The following RBM6 variants were observed in gnomAD, a reference collection of about 807,000 sequenced individuals.
RBM6 encodes the protein RNA-binding protein 6.
A neutral mutation model predicts 140.4 loss-of-function variants in RBM6; 23 were observed. That is an observed-to-expected ratio of 0.16 (90% CI 0.12 to 0.23). The LOEUF is 0.23. Among genes scored for constraint, RBM6 ranks in the 10% least tolerant of loss-of-function variants. The probability of loss-of-function intolerance (pLI) is 1.00; values close to 1 mark genes in which losing one functional copy is unlikely to be tolerated. For synonymous variants in RBM6, 439 were observed against 475.6 expected, an observed-to-expected ratio of 0.92 and a Z score of 1.00; for missense variants, 1,139 against 1,386.7, an observed-to-expected ratio of 0.82 and a Z score of 2.84.
At chr3:50,013,254 C>T (rs927947271) in intron 6 of RBM6, among the ~76,000 whole-genome samples, 4 of 151,972 alleles carry the variant, frequency 2.6e-5, no homozygotes, top group South Asian at 2.1e-4. Context: ...TTTACTTTGT[C>T]GGTGTCTCCA....
rs980311147 is a variant in RBM6, at chr3:50,068,172, C to T, written c.2944-518C>T. ...CTTTTCCTTTCCTTAAGGTCGTCTG[C>T]TACAAAGAACCACCACTTCATGTAA... On this transcript the variant is annotated intron_variant, in intron 17 of 20. Coordinates refer to ENST00000266022, the MANE Select transcript of RBM6 (RefSeq NM_005777.3). Among the ~76,000 whole-genome samples, 14 of 152,316 alleles carry T rather than the reference C, an allele frequency of 9.2e-5. No individual in the cohort carries two copies. In the East Asian group the frequency reaches 2.3e-3, roughly 25 times the overall value.
At chr3:49,954,138 A>G (rs77098994) in intron 1 of RBM6, among the ~76,000 whole-genome samples, 8 of 133,320 alleles carry the variant, frequency 6.0e-5, no homozygotes, top group African/African-American at 2.7e-4. Flanking sequence ...AAGGTCTCAG[A>G]AAAAAAAAAA....
At chr3:49,960,990 G>A (rs978398044) in intron 1 of RBM6, among the ~76,000 whole-genome samples, 2 of 149,318 alleles carry the variant, frequency 1.3e-5, no homozygotes, top group African/African-American at 2.5e-5. Context: ...GCTCACTGCA[G>A]CCTCAACCTC....
rs150633206 is a variant in RBM6 at position 50,029,889 on chromosome 3, G to T, written c.1558-18356G>T. On this transcript the variant is annotated intron_variant, in intron 6 of 20. Transcript: ENST00000266022. ...ATTTTTTAAAAAGAAATTTAGCCAG[G>T]CATGGTGGTGTGCCCCTGTAGTTCC... is the stretch of plus-strand genomic sequence containing the variant. 6.3e-3 allele frequency among the ~76,000 whole-genome samples: 957 copies of T among 151,338 alleles called. 8 individuals carry two copies. The highest frequency in any genetic ancestry group is 0.021 in the African/African-American group (848 of 41,196).
chr3:49,950,163 A>C (rs1048212591), intron 1 of RBM6, among the ~76,000 whole-genome samples: 2 of 152,154 alleles, frequency 1.3e-5, no homozygotes, highest in African/African-American at 2.4e-5. Context: ...AGGCGGTCAG[A>C]GTAACCCTTG....
rs538719802 is a variant in RBM6, at chr3:49,957,125, A to C, written c.-66-5451A>C. Reference sequence around the variant, plus strand: ...ATTCTTTGCAAGTAACTGGAAGTGCAGACATGTGCCACCTGCCTTTTTTGT... The same window carrying C: ...ATTCTTTGCAAGTAACTGGAAGTGCCGACATGTGCCACCTGCCTTTTTTGT... On this transcript the variant is annotated intron_variant, in intron 1 of 20. Coordinates refer to ENST00000266022, the MANE Select transcript of RBM6 (RefSeq NM_005777.3). Among the ~76,000 whole-genome samples, 14 of 152,222 alleles carry C rather than the reference A, an allele frequency of 9.2e-5. No homozygotes were observed. In the South Asian group the frequency reaches 2.9e-3, roughly 32 times the overall value.
rs1409693628 is a variant in RBM6, at chr3:49,975,355, G to A, written c.1446G>A (p.Met482Ile). 1 of 1,613,934 alleles carries A rather than the reference G, an allele frequency of 6.2e-7. No individual in the cohort carries two copies. Among genetic ancestry groups the A allele is most frequent in the Non-Finnish European group, 8.5e-7 (1 of 1,179,790 alleles). The change falls in exon 5 of 21, where the codon ATG becomes ATA. Residue 482 changes from methionine (M) to isoleucine (I), a missense_variant. Physicochemically the swap from Met to Ile is conservative, Grantham distance 10. This residue lies in a region of RBM6 where 566 missense variants were observed against 612.7 expected (regional missense o/e 0.92). Coordinates refer to ENST00000266022, the MANE Select transcript of RBM6 (RefSeq NM_005777.3). ...ILNAFRTPDG[M>I]PVKNLQLKEY... ...ATGCTTTTCGGACTCCTGATGGCAT[G>A]CCTGTAAAGAACTTGCAGTTGAAGG... is the stretch of plus-strand genomic sequence containing the variant.
intron 6 of RBM6, among the ~76,000 whole-genome samples, chr3:50,026,118 G>A (rs1047475840): frequency 6.0e-5 from 9 of 150,970 alleles, no homozygotes; most frequent in East Asian, 1.9e-4. Flanking sequence ...ACGGAATCTC[G>A]CCGTCTTCCA....
intron 1 of RBM6, among the ~76,000 whole-genome samples, chr3:49,954,606 C>T (rs1011582903): frequency 1.3e-5 from 2 of 151,924 alleles, no homozygotes; most frequent in Non-Finnish European, 2.9e-5. Context: ...AATTCTGTTT[C>T]CTTGGTCTGT....
At position 50,057,780 on chromosome 3, in the gene RBM6, C is replaced by T. The variant is rs147018443; in HGVS notation, c.1746C>T (p.Ser582=). 1,283 of 1,613,422 alleles carry T rather than the reference C, an allele frequency of 8.0e-4. 6 individuals carry two copies. Among genetic ancestry groups the T allele is most frequent in the Middle Eastern group, 3.3e-3 (20 of 6,058 alleles). Residue 582 remains serine (S), a synonymous_variant, in exon 9 of 21, where the codon TCC becomes TCT. Transcript: ENST00000266022. ...CCTACCCTCAGCCTCAGAAAACATC[C>T]ATACCAGCACCATTGGAAAAACAGC... ...LITYPQPQKT[S]IPAPLEKQPN...
At chr3:49,959,343 C>A (rs868846039) in intron 1 of RBM6, among the ~76,000 whole-genome samples, 13 of 141,318 alleles carry the variant, frequency 9.2e-5, no homozygotes, top group Non-Finnish European at 1.9e-4. Context: ...TGCCCGCCAC[C>A]ACGCCTGGCT....
At chr3:50,001,055 T>C (rs2086304424) in intron 6 of RBM6, among the ~76,000 whole-genome samples, 1 of 152,226 alleles carries the variant, frequency 6.6e-6, no homozygotes, top group African/African-American at 2.4e-5. Flanking sequence ...TGTCCATCAC[T>C]GAATCACTTA....
chr3:49,951,428 A>G (rs111567536), intron 1 of RBM6, among the ~76,000 whole-genome samples: 5 of 151,824 alleles, frequency 3.3e-5, no homozygotes, highest in African/African-American at 7.3e-5. Flanking sequence ...AGGTTTTGCC[A>G]TGTTGCCCAG....
chr3:49,962,749 G>C, intron 2 of RBM6, 64 bp downstream of exon 2: 1 of 1,367,486 alleles, frequency 7.3e-7, no homozygotes, highest in South Asian at 1.4e-5. Flanking sequence ...TAACATTTTC[G>C]CCTACTATAA....
chr3:50,064,921 C>T (rs1333385777), intron 15 of RBM6, 110 bp from the exon 16 acceptor site: 5 of 817,396 alleles, frequency 6.1e-6, no homozygotes, highest in Non-Finnish European at 9.8e-6. Context: ...ATCCACCTGC[C>T]TTGACCTCCC....
intron 6 of RBM6, 53 bp from the exon 7 acceptor site, chr3:50,048,192 C>T: frequency 6.3e-7 from 1 of 1,595,326 alleles, no homozygotes; most frequent in Non-Finnish European, 8.5e-7. Flanking sequence ...CTTTCTGTCT[C>T]TGTCTGTTTC....
At chr3:49,943,407 C>T (rs929487685) in intron 1 of RBM6, among the ~76,000 whole-genome samples, 68 of 152,150 alleles carry the variant, frequency 4.5e-4, no homozygotes, top group Non-Finnish European at 9.0e-4. Context: ...CTCAAGCAGT[C>T]ATCCCGCCTC....
At chr3:50,031,919 T>C (rs1371691111) in intron 6 of RBM6, among the ~76,000 whole-genome samples, 3 of 152,182 alleles carry the variant, frequency 2.0e-5, no homozygotes, top group Non-Finnish European at 4.4e-5. Context: ...TATTTCACAT[T>C]GCATGCCTGT....
chr3:50,074,071 C>T (rs965314511), intron 19 of RBM6, among the ~76,000 whole-genome samples: 1 of 151,950 alleles, frequency 6.6e-6, no homozygotes, highest in African/African-American at 2.4e-5. Flanking sequence ...TCAGGTGATC[C>T]ACCCGCCTTG....
Sources: allele counts gnomAD v4.1 joint callset (sites outside exome capture counted in the v4.1 genomes callset), GRCh38; gene constraint gnomAD v4.1.1; regional missense constraint gnomAD v4.1.1; transcripts MANE v1.5; gene names NCBI Gene and HGNC (gene_info 2026-07-23, HGNC 2026-07-21).